FLT1: variants seen among roughly 807,000 people sequenced by gnomAD.
FLT1 encodes vascular endothelial growth factor receptor 1.
In FLT1, 49 loss-of-function variants were observed where a neutral mutation model predicts 156.3. The ratio of observed to expected loss-of-function variants is 0.31; its 90% CI spans 0.25 to 0.40. The LOEUF is 0.40. Ranked by LOEUF, FLT1 falls within the 10% of genes least tolerant of loss-of-function variation. The pLI, the probability that FLT1 is intolerant of heterozygous loss-of-function variation, is 1.00. For missense variants in FLT1, 1,322 were observed against 1,637.2 expected, an observed-to-expected ratio of 0.81 and a Z score of 3.32; for synonymous variants, 594 against 583.8, an observed-to-expected ratio of 1.02 and a Z score of -0.25.
At chr13:28,359,462 C>T (rs983567216) in intron 14 of FLT1, among the ~76,000 whole-genome samples, 3 of 152,114 alleles carry the variant, frequency 2.0e-5, no homozygotes, top group Non-Finnish European at 4.4e-5. Flanking sequence ...AAAAACTCCA[C>T]GATATTGGTC....
intron 9 of FLT1, among the ~76,000 whole-genome samples, chr13:28,427,519 T>G (rs1174384644): frequency 6.6e-6 from 1 of 152,160 alleles, no homozygotes; most frequent in Non-Finnish European, 1.5e-5. Context: ...TTATTAATAA[T>G]TTGATTCCAT....
At chr13:28,486,763 A>C (rs1881192450) in intron 1 of FLT1, among the ~76,000 whole-genome samples, 1 of 152,234 alleles carries the variant, frequency 6.6e-6, no homozygotes, top group Non-Finnish European at 1.5e-5. Context: ...CTCTACTAGC[A>C]CATACTCTTC....
At chr13:28,493,200 C>G (rs1881562314) in intron 1 of FLT1, among the ~76,000 whole-genome samples, 1 of 152,056 alleles carries the variant, frequency 6.6e-6, no homozygotes, top group Non-Finnish European at 1.5e-5. Context: ...TGTAATTTAG[C>G]TAGATTTATC....
chr13:28,385,883 C>T (rs1874331505), intron 13 of FLT1: 21 of 1,051,750 alleles, frequency 2.0e-5, no homozygotes, highest in Non-Finnish European at 2.4e-5. Context: ...AGTAGTCAGT[C>T]AGTCCTGCTG....
intron 10 of FLT1, among the ~76,000 whole-genome samples, chr13:28,408,955 G>T (rs1057192840): frequency 3.3e-5 from 5 of 152,132 alleles, no homozygotes; most frequent in African/African-American, 1.2e-4. Flanking sequence ...GATTGCTCTG[G>T]ACCTGAAACA....
chr13:28,333,442 C>T (rs892397238), intron 18 of FLT1, among the ~76,000 whole-genome samples: 6 of 152,146 alleles, frequency 3.9e-5, no homozygotes, highest in African/African-American at 1.2e-4. Context: ...GCATAAGTCA[C>T]TGTGTGATTT....
At chr13:28,367,038 G>A (rs1873326035) in intron 14 of FLT1, among the ~76,000 whole-genome samples, 1 of 152,188 alleles carries the variant, frequency 6.6e-6, no homozygotes. Context: ...TGTAGAGGGT[G>A]GAGGAGGGGA....
chr13:28,309,028 A>G, intron 27 of FLT1, 101 bp from the exon 28 acceptor site: 1 of 728,564 alleles, frequency 1.4e-6, no homozygotes, highest in Non-Finnish European at 2.5e-6. Context: ...ATGAACCAAC[A>G]CACCAACAGG....
At chr13:28,469,262 G>A (rs1465619279) in intron 1 of FLT1, among the ~76,000 whole-genome samples, 1 of 152,214 alleles carries the variant, frequency 6.6e-6, no homozygotes, top group Non-Finnish European at 1.5e-5. Flanking sequence ...AACAGTGGAA[G>A]CAAAGGTAGA....
At chr13:28,312,803 C>A (rs77769030) in intron 25 of FLT1, among the ~76,000 whole-genome samples, 1 of 152,036 alleles carries the variant, frequency 6.6e-6, no homozygotes, top group African/African-American at 2.4e-5. Context: ...ACTGCAAAGC[C>A]GCTGTTACAA....
chr13:28,342,373 T>C (rs1302588775), intron 16 of FLT1, among the ~76,000 whole-genome samples: 1 of 152,194 alleles, frequency 6.6e-6, no homozygotes, highest in African/African-American at 2.4e-5. Context: ...TGAACTCCTA[T>C]AGCCTTTGTA....
At chr13:28,361,333 T>C (rs1873106864) in intron 14 of FLT1, among the ~76,000 whole-genome samples, 1 of 151,840 alleles carries the variant, frequency 6.6e-6, no homozygotes, top group Middle Eastern at 3.2e-3. Flanking sequence ...ACACCTACAA[T>C]CTCACCTCCC....
intron 13 of FLT1, 50 bp from the exon 14 acceptor site, chr13:28,385,081 T>C (rs765777000): frequency 6.3e-7 from 1 of 1,581,318 alleles, no homozygotes; most frequent in Non-Finnish European, 8.7e-7. Flanking sequence ...TTTATTCTTG[T>C]ATTGTCTATG....
chr13:28,375,386 A>AT (rs34800184), intron 14 of FLT1, among the ~76,000 whole-genome samples: 1,702 of 150,502 alleles, frequency 0.011, 11 homozygotes, highest in African/African-American at 0.021. Context: ...AACATTTTCA[A>AT]TTTTTTTTTT....
rs1057495720 is a variant in FLT1, at chr13:28,480,404, A to G, written c.65-12787T>C. 1.9e-4 allele frequency among the ~76,000 whole-genome samples: 29 copies of G among 152,222 alleles called. 1 individual carries two copies. Among genetic ancestry groups the G allele is most frequent in the African/African-American group, 6.5e-4 (27 of 41,452 alleles). On this transcript the variant is annotated intron_variant, in intron 1 of 29. Coordinates refer to ENST00000282397, the MANE Select transcript of FLT1 (RefSeq NM_002019.4). ...AGTATATATAGATATATATGTAATG[A>G]TGCATAAAAATAATTTCTGCTTAAA... is the stretch of plus-strand genomic sequence containing the variant.
In FLT1 at chr13:28,329,786, AGGC is replaced by A; in HGVS notation, c.2594-61_2594-59del. On this transcript the variant is annotated intron_variant, in intron 18 of 29. Coordinates refer to ENST00000282397, the MANE Select transcript of FLT1 (RefSeq NM_002019.4). ...AGGACAATGGGGCTCCTTCCGCCGGAGGCGGCATTCTTGCCCTCCTTGTTTGTC... is the reference window on the plus strand; with the variant it reads ...AGGACAATGGGGCTCCTTCCGCCGGAGGCATTCTTGCCCTCCTTGTTTGTC... 2.8e-6 allele frequency: 4 copies of A among 1,405,650 alleles called. No individual in the cohort carries two copies. The South Asian group carries it at 4.7e-5, about 17-fold the overall frequency. 87.1% of individuals were successfully genotyped at this position (1,405,650 alleles called of 1,614,324 possible).
intron 15 of FLT1, among the ~76,000 whole-genome samples, chr13:28,349,232 G>A (rs1483199323): frequency 1.3e-5 from 2 of 152,172 alleles, no homozygotes; most frequent in Non-Finnish European, 2.9e-5. Context: ...CTTATTTGCT[G>A]CTTTGTCAGC....
At chr13:28,376,904 C>A (rs547164270) in intron 14 of FLT1, among the ~76,000 whole-genome samples, 33 of 152,294 alleles carry the variant, frequency 2.2e-4, no homozygotes, top group African/African-American at 7.7e-4. Flanking sequence ...TGTTCCAAGT[C>A]TGGTTTGCAA....
chr13:28,350,345 G>A (rs1194876361), intron 15 of FLT1, among the ~76,000 whole-genome samples: 1 of 152,148 alleles, frequency 6.6e-6, no homozygotes, highest in Non-Finnish European at 1.5e-5. Context: ...TGGTTGCACA[G>A]AGCATTCCAC....
Sources: gnomAD v4.1 joint callset for allele counts (sites outside exome capture counted in the v4.1 genomes callset) on GRCh38, gnomAD v4.1.1 for gene constraint, MANE v1.5 for transcripts, NCBI Gene and HGNC (gene_info 2026-07-23, HGNC 2026-07-21) for gene names.